Variants in WSB1 observed in about 807,000 individuals in gnomAD.
WSB1 encodes the protein WD repeat and SOCS box containing 1.
WSB1 carries 23 observed loss-of-function variants against 50.2 expected under a neutral mutation model. The ratio of observed to expected loss-of-function variants is 0.46; its 90% confidence interval spans 0.33 to 0.65. The LOEUF is 0.65. Ranked by LOEUF, WSB1 falls within the 30% of genes least tolerant of loss-of-function variation. WSB1 has a pLI of 0.02. For missense variants in WSB1, 492 were observed against 522.3 expected, an observed-to-expected ratio of 0.94 and a Z score of 0.56; for synonymous variants, 179 against 172.0, an observed-to-expected ratio of 1.04 and a Z score of -0.32.
chr17:27,311,575 T>C lies in WSB1; in HGVS notation c.1065T>C (p.Leu355=). 1 of 1,611,934 alleles carries C rather than the reference T, an allele frequency of 6.2e-7. No individual in the cohort carries two copies. The highest frequency in any genetic ancestry group is 2.2e-5 in the East Asian group (1 of 44,786). ...AAGTTGCACCTTTGAGCAATGGTCT[T>C]TGCTGTGCCTTCTCTACTGATGGCA... is the stretch of plus-strand genomic sequence containing the variant. The part of the protein sequence containing the change: ...PVQVAPLSNG[L]CCAFSTDGSV... The change falls in exon 8 of 9, where the codon CTT becomes CTC. Residue 355 remains leucine, a synonymous_variant. Transcript: ENST00000262394.
chr17:27,298,696 C>A (rs184265124), intron 1 of WSB1, among the ~76,000 whole-genome samples: 44 of 151,996 alleles, frequency 2.9e-4, no homozygotes, highest in African/African-American at 9.6e-4. Flanking sequence ...ACTAAAAATA[C>A]AAAAAATAAT....
intron 8 of WSB1, among the ~76,000 whole-genome samples, chr17:27,311,948 C>T (rs1482425480): frequency 2.6e-5 from 4 of 152,088 alleles, no homozygotes; most frequent in African/African-American, 9.7e-5. Context: ...ACACCTGGCC[C>T]ATTTTTCTCT....
chr17:27,307,316 C>T, intron 5 of WSB1: 1 of 209,432 alleles, frequency 4.8e-6, no homozygotes, highest in South Asian at 9.2e-5. Flanking sequence ...ATAAAAATAG[C>T]ACTCATGTAT....
At chr17:27,297,732 C>T (rs1338201934) in intron 1 of WSB1, among the ~76,000 whole-genome samples, 1 of 152,092 alleles carries the variant, frequency 6.6e-6, no homozygotes, top group Non-Finnish European at 1.5e-5. Flanking sequence ...TTGGGATTAC[C>T]AGTGTGCCTG....
chr17:27,298,101 G>A (rs2150828037), intron 1 of WSB1, among the ~76,000 whole-genome samples: 1 of 146,810 alleles, frequency 6.8e-6, no homozygotes, highest in South Asian at 2.2e-4. Context: ...CTCCAGCCTG[G>A]GCAACAGAGC....
At chr17:27,306,700 T>A in intron 4 of WSB1, 82 bp from the exon 5 acceptor site, 1 of 1,357,694 alleles carries the variant, frequency 7.4e-7, no homozygotes, top group African/African-American at 1.4e-5. Context: ...ATGTTTGTGA[T>A]CCTTTGCTTT....
chr17:27,307,919 G>A (rs1304883015), intron 5 of WSB1: 2 of 1,264,006 alleles, frequency 1.6e-6, no homozygotes, highest in East Asian at 6.2e-5. Flanking sequence ...TACGTACACA[G>A]GTGCTGGTCG....
intron 1 of WSB1, among the ~76,000 whole-genome samples, chr17:27,298,668 T>C (rs9904518): frequency 0.33 from 50,661 of 151,782 alleles, 8,715 homozygotes; most frequent in Middle Eastern, 0.45. Flanking sequence ...CTGGCCAACA[T>C]GGTGAAACCC....
intron 1 of WSB1, among the ~76,000 whole-genome samples, chr17:27,295,874 G>A (rs1044958944): frequency 7.0e-6 from 1 of 143,262 alleles, no homozygotes. Context: ...TTTTGCTCTT[G>A]TTGCCCAGGC....
chr17:27,309,368 CA>C, intron 6 of WSB1, 96 bp downstream of exon 6: 1 of 1,046,728 alleles, frequency 9.6e-7, no homozygotes, highest in South Asian at 1.8e-5. Context: ...CCTAAAATTA[CA>C]GTCTATTCTA....
At chr17:27,310,970 C>T (rs771072098) in intron 7 of WSB1, among the ~76,000 whole-genome samples, 17 of 152,066 alleles carry the variant, frequency 1.1e-4, no homozygotes, top group African/African-American at 2.7e-4. Flanking sequence ...CTCAGCCTTC[C>T]GAGTATCTCA....
At chr17:27,298,444 T>G (rs1342837574) in intron 1 of WSB1, among the ~76,000 whole-genome samples, 1 of 152,146 alleles carries the variant, frequency 6.6e-6, no homozygotes, top group East Asian at 1.9e-4. Flanking sequence ...AAAGTGTGCC[T>G]GATGCAGTGG....
Position 27,303,729 on chromosome 17 carries a change from A to C in WSB1, c.478+94A>C, listed in dbSNP as rs2017331502. 3.4e-6 allele frequency: 5 copies of C among 1,460,426 alleles called. No homozygotes were observed. In the South Asian group the frequency reaches 4.0e-5, roughly 12 times the overall value. The allele number at this position is 1,460,426 out of a possible 1,614,324, so 90.5% of individuals were successfully genotyped here. A position where few individuals can be genotyped will look rare whatever the true frequency, so the allele number is the denominator to read the frequency against. On this transcript the variant is annotated intron_variant, in intron 3 of 8. Transcript: ENST00000262394. Reference sequence around the variant, plus strand: ...AATTGGGATTTGAGGATTTCAGCTTACTGAAAAGCAAGAATTGATGGCATA... The same window carrying C: ...AATTGGGATTTGAGGATTTCAGCTTCCTGAAAAGCAAGAATTGATGGCATA...
At chr17:27,308,050 C>A in intron 5 of WSB1, 1 of 1,187,144 alleles carries the variant, frequency 8.4e-7, no homozygotes, top group Non-Finnish European at 1.0e-6. Context: ...GGGAGTCTGA[C>A]AAGTGAAACC....
intron 1 of WSB1, among the ~76,000 whole-genome samples, chr17:27,301,236 A>G (rs548822536): frequency 6.6e-6 from 1 of 152,282 alleles, no homozygotes; most frequent in African/African-American, 2.4e-5. Context: ...AGTCTCTTCT[A>G]GTTCTGAGGG....
chr17:27,310,843 G>GT (rs574153401), intron 7 of WSB1, among the ~76,000 whole-genome samples: 2 of 151,710 alleles, frequency 1.3e-5, no homozygotes, highest in African/African-American at 4.8e-5. Flanking sequence ...TCCTTTCCTG[G>GT]TTTTTTTTGT....
chr17:27,309,872 C>T (rs190152211), intron 6 of WSB1, among the ~76,000 whole-genome samples, 189 bp from the exon 7 acceptor site: 60 of 152,272 alleles, frequency 3.9e-4, no homozygotes, highest in African/African-American at 1.1e-3. Context: ...TGAGCCACTG[C>T]GCCCGACCAT....
rs2017714661 is a variant in WSB1, at chr17:27,312,268, C to T, written c.1165C>T (p.His389Tyr). Residue 389 changes from histidine (H) to tyrosine (Y), a missense_variant, in exon 9 of 9, where the codon CAT (histidine) becomes TAT (tyrosine). By Grantham distance (83) the His-to-Tyr change is moderately conservative. Coordinates refer to ENST00000262394, the MANE Select transcript of WSB1 (RefSeq NM_015626.10). Reference sequence around the variant, plus strand: ...TCCACGGCAGGTCCCTAGCCTGCAACATTTATGTCGCATGTCAATCCGAAG... The same window carrying T: ...TCCACGGCAGGTCCCTAGCCTGCAATATTTATGTCGCATGTCAATCCGAAG... Reference protein sequence around the residue: ...ATPRQVPSLQHLCRMSIRRVM... With the variant: ...ATPRQVPSLQYLCRMSIRRVM... 2 of 1,614,176 alleles carry T rather than the reference C, an allele frequency of 1.2e-6. No individual in the cohort carries two copies. The highest frequency in any genetic ancestry group is 1.3e-5 in the African/African-American group (1 of 75,040).
At position 27,299,279 on chromosome 17, in the gene WSB1, A is replaced by C. The variant is rs148571167; in HGVS notation, c.41-2509A>C. On this transcript the variant is annotated intron_variant, in intron 1 of 8. Coordinates refer to ENST00000262394, the MANE Select transcript of WSB1 (RefSeq NM_015626.10). Reference sequence around the variant, plus strand: ...TAATCCCAGTACTTTGGGAGGCTGAAGGTGGGAGGATCACTTGAGCCCAGG... The same window carrying C: ...TAATCCCAGTACTTTGGGAGGCTGACGGTGGGAGGATCACTTGAGCCCAGG... Among the ~76,000 whole-genome samples, 1,251 of 152,258 alleles carry C rather than the reference A, an allele frequency of 8.2e-3. 24 individuals are homozygous for C. Among genetic ancestry groups the C allele is most frequent in the African/African-American group, 0.029 (1,204 of 41,558 alleles).
Sources: allele counts gnomAD v4.1 joint callset (sites outside exome capture counted in the v4.1 genomes callset), GRCh38; gene constraint gnomAD v4.1.1; transcripts MANE v1.5; gene names NCBI Gene and HGNC (gene_info 2026-07-23, HGNC 2026-07-21).